The following DGKI variants were observed in gnomAD, a reference collection of about 807,000 sequenced individuals.
DGKI encodes diacylglycerol kinase iota, also known as DAG kinase iota.
DGKI carries 55 observed loss-of-function variants against 147.5 expected under a neutral mutation model. The observed-to-expected ratio is 0.37, with a 90% CI of 0.30 to 0.47. DGKI has a LOEUF of 0.47. DGKI is among the 20% of genes least tolerant of loss of function. The pLI is 1.00. For synonymous variants in DGKI, 469 were observed against 477.1 expected (o/e 0.98, Z 0.22); for missense variants, 1,007 against 1,323.8 (o/e 0.76, Z 3.71).
intron 1 of DGKI, among the ~76,000 whole-genome samples, chr7:137,806,922 G>A (rs1007971712): frequency 6.6e-6 from 1 of 152,156 alleles, no homozygotes. Context: ...AACCTACGTG[G>A]CAGAAGACCA....
intron 1 of DGKI, among the ~76,000 whole-genome samples, chr7:137,698,955 T>C (rs1319781553): frequency 6.6e-6 from 1 of 152,186 alleles, no homozygotes; most frequent in Non-Finnish European, 1.5e-5. Flanking sequence ...ATGGACTAAA[T>C]GCTGTCCATG....
chr7:137,733,183 T>A (rs1169867355), intron 1 of DGKI, among the ~76,000 whole-genome samples: 1 of 152,030 alleles, frequency 6.6e-6, no homozygotes, highest in African/African-American at 2.4e-5. Flanking sequence ...CCACCAACCA[T>A]CTCCAGAACT....
intron 6 of DGKI, among the ~76,000 whole-genome samples, chr7:137,624,729 C>T (rs1261773132): frequency 2.6e-5 from 4 of 152,026 alleles, no homozygotes; most frequent in Non-Finnish European, 4.4e-5. Context: ...CTGAGCCTCC[C>T]GAGTAGCTGG....
At chr7:137,718,125 G>A (rs1794435597) in intron 1 of DGKI, among the ~76,000 whole-genome samples, 1 of 152,160 alleles carries the variant, frequency 6.6e-6, no homozygotes, top group African/African-American at 2.4e-5. Context: ...CCAGCCGGGT[G>A]GGCTGGATGG....
chr7:137,485,407 T>G lies in DGKI; in HGVS notation c.2340A>C (p.Ser780=). The change falls in exon 23 of 33, where the codon TCA becomes TCC. Residue 780 remains serine (S), a synonymous_variant. Coordinates refer to ENST00000614521, the MANE Select transcript of DGKI (RefSeq NM_001321708.2). ...YIDRLQEDLQ[S]VSSGSQRVHY... is the part of the protein sequence containing the mutation. Reference sequence around the variant, plus strand: ...GAACTCTCTGGGAGCCAGAAGAAACTGACTGTAGGTCCTAATGAGAAAATG... The same window carrying G: ...GAACTCTCTGGGAGCCAGAAGAAACGGACTGTAGGTCCTAATGAGAAAATG... 6.2e-7 allele frequency: 1 copy of G among 1,609,252 alleles called. No individual in the cohort carries two copies. The highest frequency in any genetic ancestry group is 8.5e-7 in the Non-Finnish European group (1 of 1,177,454).
chr7:137,822,200 A>T (rs1489835587), intron 1 of DGKI, among the ~76,000 whole-genome samples: 1 of 152,186 alleles, frequency 6.6e-6, no homozygotes, highest in African/African-American at 2.4e-5. Context: ...TGAGGTCAGG[A>T]GTTCGAGACC....
chr7:137,688,828 T>C (rs1823512875), intron 2 of DGKI, among the ~76,000 whole-genome samples: 1 of 152,220 alleles, frequency 6.6e-6, no homozygotes, highest in South Asian at 2.1e-4. Flanking sequence ...ATATTCTTTC[T>C]ATACACCAAT....
chr7:137,678,844 A>C (rs895711632), intron 2 of DGKI, among the ~76,000 whole-genome samples, 192 bp from the exon 3 acceptor site: 5 of 152,206 alleles, frequency 3.3e-5, no homozygotes, highest in African/African-American at 9.6e-5. Flanking sequence ...GTTTGGAAAA[A>C]CTTTGAGCTA....
At chr7:137,409,574 G>A (rs745827711) in intron 29 of DGKI, among the ~76,000 whole-genome samples, 101 of 152,348 alleles carry the variant, frequency 6.6e-4, no homozygotes, top group Non-Finnish European at 1.2e-3. Context: ...TGGGGGGCAA[G>A]AGGGCAGGAA....
chr7:137,501,999 C>G (rs1816191429), intron 21 of DGKI, among the ~76,000 whole-genome samples: 1 of 152,172 alleles, frequency 6.6e-6, no homozygotes, highest in South Asian at 2.1e-4. Context: ...AGTTTGCCTG[C>G]ACAAGCCCTC....
At chr7:137,694,854 A>C (rs1003679925) in intron 1 of DGKI, among the ~76,000 whole-genome samples, 2 of 152,188 alleles carry the variant, frequency 1.3e-5, no homozygotes, top group African/African-American at 4.8e-5. Flanking sequence ...GCCCCGCACA[A>C]ACTTCACCTC....
chr7:137,723,876 A>AT (rs1794642273), intron 1 of DGKI, among the ~76,000 whole-genome samples: 1 of 151,864 alleles, frequency 6.6e-6, no homozygotes, highest in African/African-American at 2.4e-5. Flanking sequence ...TATCCAGCTA[A>AT]TTTTTTGTGT....
rs1811140892 is a variant in DGKI at position 137,384,898 on chromosome 7, G to A, written c.*6322C>T. The stretch of plus-strand genomic sequence containing the variant: ...ATTTCAAAAGTTGGGTGAAAACTTG[G>A]ATCACTATTTTCTTATTTCCATGGG... On this transcript the variant is annotated 3_prime_UTR_variant, in exon 33 of 33. Coordinates refer to ENST00000614521, the MANE Select transcript of DGKI (RefSeq NM_001321708.2). The A allele has an allele frequency of 6.6e-6, 1 of 152,042 alleles. No individual in the cohort carries two copies. The highest frequency in any genetic ancestry group is 1.5e-5 in the Non-Finnish European group (1 of 67,958). 9.4% of individuals were successfully genotyped at this position (152,042 alleles called of 1,614,324 possible).
rs201485265 is a variant in DGKI, at chr7:137,625,485, T to TA, written c.805-1932dup. On this transcript the variant is annotated intron_variant, in intron 6 of 32. Transcript: ENST00000614521. Reference sequence around the variant, plus strand: ...AAAAAAAATAATAAAATAAAAAATTTAAAAAAAAATAAAGAAAGGCTGCTT... The same window carrying TA: ...AAAAAAAATAATAAAATAAAAAATTTAAAAAAAAAATAAAGAAAGGCTGCTT... 2.7e-4 allele frequency among the ~76,000 whole-genome samples: 40 copies of TA among 150,372 alleles called. No individual in the cohort carries two copies. The East Asian group carries it at 5.7e-3, about 21-fold the overall frequency.
chr7:137,493,674 AC>A (rs1365185385), intron 21 of DGKI: 2 of 685,852 alleles, frequency 2.9e-6, no homozygotes, highest in African/African-American at 1.8e-5. Context: ...AACCAAAAAA[AC>A]ATCTAAAAGA....
At chr7:137,610,445 T>G (rs1437602299) in intron 8 of DGKI, among the ~76,000 whole-genome samples, 3 of 152,244 alleles carry the variant, frequency 2.0e-5, no homozygotes, top group Non-Finnish European at 4.4e-5. Flanking sequence ...TTGATACAGA[T>G]GTTTTGAGAA....
rs1463854803 is a variant in DGKI, at chr7:137,383,819, T to G, written c.*7401A>C. 1.3e-5 allele frequency: 2 copies of G among 152,040 alleles called. No individual in the cohort carries two copies. The highest frequency in any genetic ancestry group is 2.9e-5 in the Non-Finnish European group (2 of 67,942). 9.4% of individuals were successfully genotyped at this position (152,040 alleles called of 1,614,324 possible). On this transcript the variant is annotated 3_prime_UTR_variant, in exon 33 of 33. Transcript: ENST00000614521. ...AACTAACAGTCCTACTTAACCTAACTCCTCTACATATTCTTATTCCTAATC... is the reference window on the plus strand; with the variant it reads ...AACTAACAGTCCTACTTAACCTAACGCCTCTACATATTCTTATTCCTAATC...
At chr7:137,461,219 C>A (rs1009084205) in intron 27 of DGKI, among the ~76,000 whole-genome samples, 9 of 152,184 alleles carry the variant, frequency 5.9e-5, no homozygotes, top group Non-Finnish European at 1.2e-4. Flanking sequence ...AGTCAGAAGC[C>A]AAACCGACCT....
chr7:137,534,098 G>A (rs1454972089), intron 20 of DGKI, among the ~76,000 whole-genome samples: 1 of 152,078 alleles, frequency 6.6e-6, no homozygotes, highest in African/African-American at 2.4e-5. Context: ...CAAATGAAAC[G>A]CACCTCACAC....
Sources: gnomAD v4.1 joint callset for allele counts (sites outside exome capture counted in the v4.1 genomes callset) on GRCh38, gnomAD v4.1.1 for gene constraint, MANE v1.5 for transcripts, NCBI Gene and HGNC (gene_info 2026-07-23, HGNC 2026-07-21) for gene names.